The following MAP2K4 variants were observed in gnomAD, a reference collection of about 807,000 sequenced individuals.
MAP2K4 encodes the protein dual specificity mitogen-activated protein kinase kinase 4.
MAP2K4 carries 4 observed loss-of-function variants against 48.5 expected under a neutral mutation model. The ratio of observed to expected loss-of-function variants is 0.08; its 90% CI spans 0.04 to 0.19. The LOEUF is 0.19. Among genes scored for constraint, MAP2K4 ranks in the 10% least tolerant of loss-of-function variants. The pLI, the probability that MAP2K4 is intolerant of heterozygous loss-of-function variation, is 1.00. For missense variants in MAP2K4, 258 were observed against 493.3 expected (o/e 0.52, Z 4.52); for synonymous variants, 166 against 173.1 (o/e 0.96, Z 0.32).
At chr17:12,139,127 G>A (rs1239186565) in intron 9 of MAP2K4, among the ~76,000 whole-genome samples, 1 of 152,164 alleles carries the variant, frequency 6.6e-6, no homozygotes, top group Non-Finnish European at 1.5e-5. Context: ...ATTAATTCAT[G>A]TTTGATAGTA....
intron 1 of MAP2K4, among the ~76,000 whole-genome samples, chr17:12,038,472 A>G (rs554874358): frequency 3.9e-5 from 6 of 152,292 alleles, no homozygotes; most frequent in African/African-American, 1.2e-4. Context: ...GGATAAGGAA[A>G]GAGAGGTACA....
intron 2 of MAP2K4, among the ~76,000 whole-genome samples, chr17:12,055,970 C>G (rs1970272625): frequency 6.6e-6 from 1 of 152,016 alleles, no homozygotes; most frequent in African/African-American, 2.4e-5. Flanking sequence ...AGAGCTCAGC[C>G]TAGAGTCCCA....
chr17:12,067,616 A>G (rs1477056026), intron 2 of MAP2K4, among the ~76,000 whole-genome samples: 1 of 152,180 alleles, frequency 6.6e-6, no homozygotes, highest in Non-Finnish European at 1.5e-5. Flanking sequence ...TGGGGTTTGA[A>G]TGGATGCCAG....
Position 12,116,759 on chromosome 17 carries a change from C to T in MAP2K4, c.813+3399C>T, listed in dbSNP as rs185634444. On this transcript the variant is annotated intron_variant, in intron 7 of 10. Transcript: ENST00000353533. Reference sequence around the variant, plus strand: ...AGTAACACGCAGGGAGCTGTCATCTCCTATGATATCAATGCCTTCTTTGTA... The same window carrying T: ...AGTAACACGCAGGGAGCTGTCATCTTCTATGATATCAATGCCTTCTTTGTA... 2.7e-3 allele frequency among the ~76,000 whole-genome samples: 407 copies of T among 152,314 alleles called. 2 individuals carry two copies. Among genetic ancestry groups the T allele is most frequent in the Non-Finnish European group, 4.7e-3 (317 of 68,030 alleles).
Position 12,135,484 on chromosome 17 carries a change from G to A in MAP2K4, c.1041-4355G>A, listed in dbSNP as rs11870824. 7.1e-3 allele frequency among the ~76,000 whole-genome samples: 1,085 copies of A among 152,262 alleles called. 9 individuals carry two copies. The highest frequency in any genetic ancestry group is 0.025 in the African/African-American group (1,050 of 41,546). Reference sequence around the variant, plus strand: ...TAGGCTTAAGCGATCCTCCTGCCTCGGCTTCCCGGAGTATTGGGATTACAG... The same window carrying A: ...TAGGCTTAAGCGATCCTCCTGCCTCAGCTTCCCGGAGTATTGGGATTACAG... On this transcript the variant is annotated intron_variant, in intron 9 of 10. Coordinates refer to ENST00000353533, the MANE Select transcript of MAP2K4 (RefSeq NM_003010.4).
chr17:12,059,554 A>G (rs1970385518), intron 2 of MAP2K4, among the ~76,000 whole-genome samples: 2 of 152,226 alleles, frequency 1.3e-5, no homozygotes. Context: ...AAAAGTTAAC[A>G]CTGGAAATAA....
intron 2 of MAP2K4, among the ~76,000 whole-genome samples, chr17:12,065,952 T>G (rs1970604710): frequency 1.3e-5 from 2 of 152,200 alleles, no homozygotes; most frequent in Non-Finnish European, 1.5e-5. Flanking sequence ...TTCATAATGT[T>G]TGAAAGAACC....
At chr17:12,102,635 A>G (rs370480231) in intron 4 of MAP2K4, among the ~76,000 whole-genome samples, 8 of 152,118 alleles carry the variant, frequency 5.3e-5, no homozygotes, top group Non-Finnish European at 7.4e-5. Flanking sequence ...GAATTTACCA[A>G]TGAAGCCACT....
chr17:12,125,234 C>T (rs2151587412), intron 7 of MAP2K4, 60 bp from the exon 8 acceptor site: 2 of 1,264,022 alleles, frequency 1.6e-6, no homozygotes, highest in East Asian at 2.3e-5. Flanking sequence ...CTGTTGCTTC[C>T]ATTTGCCTAT....
At chr17:12,030,560 G>A (rs1165827037) in intron 1 of MAP2K4, among the ~76,000 whole-genome samples, 1 of 152,162 alleles carries the variant, frequency 6.6e-6, no homozygotes. Flanking sequence ...CTTTTAATGT[G>A]TTAGAGCAAT....
At chr17:12,126,867 A>G (rs1972870586) in intron 8 of MAP2K4, among the ~76,000 whole-genome samples, 1 of 152,136 alleles carries the variant, frequency 6.6e-6, no homozygotes, top group Admixed American at 6.5e-5. Flanking sequence ...TTCTACATTG[A>G]AGGCGAATTT....
At chr17:12,057,028 C>T (rs1329639533) in intron 2 of MAP2K4, among the ~76,000 whole-genome samples, 2 of 152,090 alleles carry the variant, frequency 1.3e-5, no homozygotes, top group East Asian at 1.9e-4. Flanking sequence ...AGATATGTCA[C>T]AGGATCTGGT....
intron 4 of MAP2K4, among the ~76,000 whole-genome samples, chr17:12,106,783 A>G (rs2151571770): frequency 6.6e-6 from 1 of 152,180 alleles, no homozygotes; most frequent in East Asian, 1.9e-4. Flanking sequence ...TTTTACAGTT[A>G]TAATCATGGT....
rs1477282033 is a variant in MAP2K4, at chr17:12,079,018, CT to C, written c.219-2337del. 2.0e-5 allele frequency among the ~76,000 whole-genome samples: 3 copies of C among 152,188 alleles called. 1 individual carries two copies. Among genetic ancestry groups the C allele is most frequent in the African/African-American group, 7.2e-5 (3 of 41,446 alleles). On this transcript the variant is annotated intron_variant, in intron 2 of 10. Coordinates refer to ENST00000353533, the MANE Select transcript of MAP2K4 (RefSeq NM_003010.4). ...GTGGTTTTTACAGCACTTTTTCTTT[CT>C]AAATGAGAAACTTGGAACTCTGGGT...
intron 6 of MAP2K4, chr17:12,112,965 T>C (rs1221591208): frequency 4.5e-6 from 1 of 224,420 alleles, no homozygotes; most frequent in African/African-American, 2.3e-5. Context: ...AAGAGAAAAA[T>C]CAATCCCCAT....
intron 2 of MAP2K4, among the ~76,000 whole-genome samples, chr17:12,062,891 C>A (rs1280437520): frequency 6.6e-6 from 1 of 151,572 alleles, no homozygotes; most frequent in African/African-American, 2.4e-5. Flanking sequence ...TTCCCCCCCA[C>A]CTCCCCTCTT....
chr17:12,063,572 T>A (rs1443666880), intron 2 of MAP2K4, among the ~76,000 whole-genome samples: 1 of 152,328 alleles, frequency 6.6e-6, no homozygotes, highest in South Asian at 2.1e-4. Context: ...ATTTGTTATC[T>A]GGCATAGGCA....
intron 2 of MAP2K4, among the ~76,000 whole-genome samples, chr17:12,063,246 C>T (rs2151532710): frequency 6.6e-6 from 1 of 152,294 alleles, no homozygotes; most frequent in East Asian, 1.9e-4. Flanking sequence ...CCTACAAGTA[C>T]AACCTGCAAG....
chr17:12,097,686 G>T (rs962865349), intron 4 of MAP2K4, among the ~76,000 whole-genome samples: 11 of 152,294 alleles, frequency 7.2e-5, no homozygotes, highest in African/African-American at 2.6e-4. Context: ...TCGGGATTTG[G>T]TGGTATTATC....
Sources: allele counts gnomAD v4.1 joint callset (sites outside exome capture counted in the v4.1 genomes callset), GRCh38; gene constraint gnomAD v4.1.1; transcripts MANE v1.5; gene names NCBI Gene and HGNC (gene_info 2026-07-23, HGNC 2026-07-21).